CLCN4: variants seen among roughly 807,000 people sequenced by gnomAD.
The protein encoded by CLCN4 is Cl-/H+ antiporter 4.
In CLCN4, 1 loss-of-function variant was observed where a neutral mutation model predicts 41.7. That is an observed-to-expected ratio of 0.02 (90% CI 0.01 to 0.11). The LOEUF (loss-of-function observed/expected upper bound fraction) is 0.11. Ranked by LOEUF, CLCN4 falls within the 10% of genes least tolerant of loss-of-function variation. The probability of loss-of-function intolerance (pLI) is 1.00; values close to 1 mark genes in which losing one functional copy is unlikely to be tolerated. For missense variants in CLCN4, 287 were observed against 661.0 expected, an observed-to-expected ratio of 0.43 and a Z score of 6.20; for synonymous variants, 277 against 285.8, an observed-to-expected ratio of 0.97 and a Z score of 0.31.
intron 6 of CLCN4, among the ~76,000 whole-genome samples, chrX:10,198,948 C>T (rs1408991445): frequency 1.8e-5 from 2 of 112,398 alleles, no homozygotes; most frequent in Non-Finnish European, 3.8e-5. Context: ...AGTAAATCCA[C>T]ACCCTTTGGG....
At chrX:10,196,166 C>A (rs1394513968) in intron 5 of CLCN4, among the ~76,000 whole-genome samples, 1 of 112,125 alleles carries the variant, frequency 8.9e-6, no homozygotes, top group Non-Finnish European at 1.9e-5. Flanking sequence ...TATAGCCATC[C>A]TAGTGGTTAT....
Position 10,206,431 on chromosome X carries a change from C to T in CLCN4, c.629C>T (p.Thr210Met), listed in dbSNP as rs2147178483. The T allele has an allele frequency of 8.3e-7, 1 of 1,210,070 alleles. No individual in the cohort carries two copies. Residue 210 changes from threonine (T) to methionine (M), a missense_variant, in exon 7 of 13, where the codon ACG becomes ATG. Around this residue, in one of 6 missense-constraint regions of CLCN4, gnomAD observed 90 missense variants for 209.8 expected, o/e 0.43. Transcript: ENST00000380833. Reference sequence around the variant, plus strand: ...TGGACCCTGCTAATCAAGACAGTCACGCTGGTGCTGGTAGTGTCCTCCGGT... The same window carrying T: ...TGGACCCTGCTAATCAAGACAGTCATGCTGGTGCTGGTAGTGTCCTCCGGT... ...GKWTLLIKTV[T>M]LVLVVSSGLS...
intron 12 of CLCN4, among the ~76,000 whole-genome samples, chrX:10,227,178 G>A (rs1925010831): frequency 9.0e-6 from 1 of 110,857 alleles, no homozygotes. Context: ...ACTGAACCCG[G>A]CAGCATATCA....
At chrX:10,193,840 G>A (rs1178612130) in intron 4 of CLCN4, among the ~76,000 whole-genome samples, 1 of 111,555 alleles carries the variant, frequency 9.0e-6, no homozygotes, top group Non-Finnish European at 1.9e-5. Flanking sequence ...TGTTCTAGAG[G>A]AATGAGCTAA....
intron 11 of CLCN4, 149 bp from the exon 12 acceptor site, chrX:10,220,512 T>G: frequency 2.1e-6 from 1 of 484,937 alleles, no homozygotes; most frequent in Non-Finnish European, 3.7e-6. Flanking sequence ...TCCACAGATG[T>G]TTGGCTAAAG....
rs1394179466 is a variant in CLCN4, at chrX:10,187,577, G to A, written c.207G>A (p.Ser69=). The change falls in exon 4 of 13, where the codon TCG becomes TCA. Residue 69 remains serine (S), a synonymous_variant. Transcript: ENST00000380833. The stretch of plus-strand genomic sequence containing the variant: ...TCAAGAGCCTGCTGGATGCCTGGTC[G>A]GGATGGGTGGTGATGCTGCTCATCG... ...EFIKSLLDAW[S]GWVVMLLIGL... 18 of 1,209,464 alleles carry A rather than the reference G, an allele frequency of 1.5e-5. No individual in the cohort carries two copies. The highest frequency in any genetic ancestry group is 1.9e-5 in the Non-Finnish European group (17 of 894,668).
At chrX:10,175,988 GT>G (rs1295296544) in intron 2 of CLCN4, among the ~76,000 whole-genome samples, 1 of 92,511 alleles carries the variant, frequency 1.1e-5, no homozygotes, top group East Asian at 4.2e-4. Flanking sequence ...GTGTGTATGT[GT>G]GTAATAGGAA....
chrX:10,205,607 CTT>C lies in CLCN4; in HGVS notation c.556-734_556-733del, dbSNP rs923729645. Among the ~76,000 whole-genome samples the C allele has an allele frequency of 3.7e-3, 338 of 90,562 alleles. 1 individual carries two copies. The highest frequency in any genetic ancestry group is 0.012 in the African/African-American group (296 of 23,952). The allele number at this position is 90,562 out of a possible 115,157, so 78.6% of individuals were successfully genotyped here. ...TGGCATATTTTGGGGTGGCATATTC[CTT>C]TTTTTTTTTTTTTTTTGAAACAGGA... On this transcript the variant is annotated intron_variant, in intron 6 of 12. Coordinates refer to ENST00000380833, the MANE Select transcript of CLCN4 (RefSeq NM_001830.4).
Position 10,174,212 on chromosome X carries a change from C to T in CLCN4, c.-11-10810C>T, listed in dbSNP as rs150835999. ...TGGAAAGAGAGACTTCCTTTCTCCC[C>T]CTCGTCCATGTGTGCGGCCCTGCAT... is the stretch of plus-strand genomic sequence containing the variant. On this transcript the variant is annotated intron_variant, in intron 2 of 12. Transcript: ENST00000380833. Among the ~76,000 whole-genome samples the T allele has an allele frequency of 7.9e-3, 888 of 112,169 alleles. 12 individuals are homozygous for T. The highest frequency in any genetic ancestry group is 0.027 in the African/African-American group (846 of 30,841).
At chrX:10,188,772 G>A (rs1211927137) in intron 4 of CLCN4, among the ~76,000 whole-genome samples, 1 of 112,201 alleles carries the variant, frequency 8.9e-6, no homozygotes, top group Non-Finnish European at 1.9e-5. Flanking sequence ...ACACAAATGG[G>A]GCACAGATAG....
intron 4 of CLCN4, 83 bp from the exon 5 acceptor site, chrX:10,194,828 G>T: frequency 1.0e-6 from 1 of 960,852 alleles, no homozygotes; most frequent in Admixed American, 2.3e-5. Flanking sequence ...TTGCTGATGT[G>T]CCCCTGTCTG....
chrX:10,191,869 A>G (rs1335022667), intron 4 of CLCN4, among the ~76,000 whole-genome samples: 3 of 108,408 alleles, frequency 2.8e-5, no homozygotes, highest in Non-Finnish European at 5.7e-5. Context: ...CCTTTAATAT[A>G]CTTATTTTCT....
intron 10 of CLCN4, among the ~76,000 whole-genome samples, chrX:10,213,051 AT>A (rs201858439): frequency 0.09 from 10,086 of 111,697 alleles, 445 homozygotes; most frequent in South Asian, 0.34. Context: ...CACAAAGCCT[AT>A]TTTATAATGA....
intron 2 of CLCN4, among the ~76,000 whole-genome samples, chrX:10,163,103 G>A (rs1052717165): frequency 8.8e-6 from 1 of 113,737 alleles, no homozygotes; most frequent in Non-Finnish European, 1.9e-5. Flanking sequence ...CTGTGCTCCA[G>A]GTGCCCCCAT....
chrX:10,175,701 T>A (rs1248505929), intron 2 of CLCN4, among the ~76,000 whole-genome samples: 1 of 112,018 alleles, frequency 8.9e-6, no homozygotes, highest in Admixed American at 9.4e-5. Flanking sequence ...TGGTGTCATG[T>A]GAACACTACA....
chrX:10,207,001 C>T (rs1266150066), intron 8 of CLCN4, among the ~76,000 whole-genome samples: 1 of 110,644 alleles, frequency 9.0e-6, no homozygotes, highest in Non-Finnish European at 1.9e-5. Flanking sequence ...CTCACTACAA[C>T]CTCCGCTTCC....
intron 2 of CLCN4, among the ~76,000 whole-genome samples, chrX:10,180,767 CAAAAAAAAAA>C (rs869040200): frequency 4.0e-5 from 1 of 25,049 alleles, no homozygotes; most frequent in African/African-American, 1.4e-4. Flanking sequence ...AACTCCATCT[CAAAAAAAAAA>C]AAAAAAAAAA....
chrX:10,160,911 C>T (rs5979269), intron 2 of CLCN4, among the ~76,000 whole-genome samples: 25,216 of 109,580 alleles, frequency 0.23, 2,275 homozygotes, highest in South Asian at 0.32. Context: ...TGGGGAGGGA[C>T]GGATGGAAGT....
chrX:10,195,448 A>G (rs769660585), intron 5 of CLCN4, among the ~76,000 whole-genome samples: 7 of 111,794 alleles, frequency 6.3e-5, no homozygotes, highest in Non-Finnish European at 1.1e-4. Context: ...CTTCTAATTG[A>G]GAAGAACATA....
Sources: allele counts gnomAD v4.1 joint callset (sites outside exome capture counted in the v4.1 genomes callset), GRCh38; gene constraint gnomAD v4.1.1; regional missense constraint gnomAD v4.1.1; transcripts MANE v1.5; gene names NCBI Gene and HGNC (gene_info 2026-07-23, HGNC 2026-07-21).